NPAS3: variants seen among roughly 807,000 people sequenced by gnomAD.
The protein encoded by NPAS3 is neuronal PAS domain protein 3, also known as neuronal PAS domain-containing protein 3.
NPAS3 carries 14 observed loss-of-function variants against 73.1 expected under a neutral mutation model. The ratio of observed to expected loss-of-function variants is 0.19; its 90% CI spans 0.13 to 0.30. The LOEUF (loss-of-function observed/expected upper bound fraction) is 0.30, where lower values mean the gene tolerates loss of function less well. Among genes scored for constraint, NPAS3 ranks in the 10% least tolerant of loss-of-function variants. The pLI is 1.00. For missense variants in NPAS3, 1,096 were observed against 1,250.0 expected (o/e 0.88, Z 1.86); for synonymous variants, 620 against 541.5 (o/e 1.14, Z -2.01).
At chr14:33,356,778 G>T (rs1424812244) in intron 3 of NPAS3, among the ~76,000 whole-genome samples, 2 of 152,184 alleles carry the variant, frequency 1.3e-5, no homozygotes, top group South Asian at 2.1e-4. Flanking sequence ...TATGAAGAGG[G>T]TTTGCTTAAA....
At chr14:33,352,263 T>C (rs145446200) in intron 3 of NPAS3, among the ~76,000 whole-genome samples, 294 of 152,326 alleles carry the variant, frequency 1.9e-3, no homozygotes, top group African/African-American at 6.6e-3. Flanking sequence ...GAGACTTTTC[T>C]AACTGGCCCA....
At chr14:33,142,559 A>AG (rs554997629) in intron 2 of NPAS3, among the ~76,000 whole-genome samples, 19 of 152,178 alleles carry the variant, frequency 1.2e-4, no homozygotes, top group Non-Finnish European at 2.5e-4. Flanking sequence ...GTATCTGGTA[A>AG]GGGAAAAAAA....
intron 3 of NPAS3, among the ~76,000 whole-genome samples, chr14:33,315,530 G>T (rs980931192): frequency 1.6e-4 from 24 of 151,868 alleles, no homozygotes; most frequent in African/African-American, 5.8e-4. Flanking sequence ...GTTTGTGTGT[G>T]TGTATGTGTG....
chr14:33,308,531 TACACACACACACACACACACAC>T (rs550021518), intron 3 of NPAS3, among the ~76,000 whole-genome samples: 16 of 115,970 alleles, frequency 1.4e-4, no homozygotes, highest in Non-Finnish European at 2.0e-4. Flanking sequence ...TATATATACA[TACACACACACACACACACACAC>T]ACATACATAC....
intron 5 of NPAS3, among the ~76,000 whole-genome samples, chr14:33,619,793 GGTATA>G: frequency 6.6e-6 from 1 of 152,266 alleles, no homozygotes; most frequent in South Asian, 2.1e-4. Context: ...CTGGCAATTG[GGTATA>G]GACGAAGATA....
At chr14:33,502,985 A>G (rs559841918) in intron 4 of NPAS3, among the ~76,000 whole-genome samples, 1 of 148,612 alleles carries the variant, frequency 6.7e-6, no homozygotes, top group Non-Finnish European at 1.5e-5. Flanking sequence ...TATACCATCT[A>G]TACTCTACTC....
chr14:33,351,913 G>A (rs1409797942), intron 3 of NPAS3, among the ~76,000 whole-genome samples: 1 of 152,266 alleles, frequency 6.6e-6, no homozygotes, highest in East Asian at 1.9e-4. Context: ...GGGGGGCTAA[G>A]GGAGGGATAG....
chr14:33,203,215 GT>G (rs2046688068), intron 2 of NPAS3, among the ~76,000 whole-genome samples: 1 of 152,216 alleles, frequency 6.6e-6, no homozygotes, highest in South Asian at 2.1e-4. Context: ...CATGACTTCA[GT>G]GCCCATGTCA....
intron 2 of NPAS3, among the ~76,000 whole-genome samples, chr14:33,083,902 C>A (rs1277756419): frequency 6.6e-6 from 1 of 152,164 alleles, no homozygotes; most frequent in East Asian, 1.9e-4. Context: ...TAGAAGACCA[C>A]TGAAAGTTCT....
At chr14:33,200,754 C>T (rs1409635954) in intron 2 of NPAS3, among the ~76,000 whole-genome samples, 2 of 152,130 alleles carry the variant, frequency 1.3e-5, no homozygotes, top group South Asian at 2.1e-4. Context: ...AATCTAGTAA[C>T]AAATGTTTTC....
At chr14:33,123,367 T>C (rs903041348) in intron 2 of NPAS3, among the ~76,000 whole-genome samples, 1 of 152,064 alleles carries the variant, frequency 6.6e-6, no homozygotes, top group Non-Finnish European at 1.5e-5. Flanking sequence ...TCAGGGATTT[T>C]GTGGATATTG....
intron 3 of NPAS3, among the ~76,000 whole-genome samples, chr14:33,334,964 C>T (rs1280772503): frequency 1.3e-5 from 2 of 151,998 alleles, no homozygotes; most frequent in African/African-American, 4.8e-5. Flanking sequence ...ATAACAGTCT[C>T]AAATTCCATC....
intron 3 of NPAS3, among the ~76,000 whole-genome samples, chr14:33,294,216 C>T (rs2042208623): frequency 6.6e-6 from 1 of 152,176 alleles, no homozygotes; most frequent in African/African-American, 2.4e-5. Context: ...GACTGCCTCC[C>T]TAGCTTTTGC....
At chr14:33,294,332 C>T (rs1047102311) in intron 3 of NPAS3, among the ~76,000 whole-genome samples, 3 of 152,142 alleles carry the variant, frequency 2.0e-5, no homozygotes, top group African/African-American at 7.2e-5. Flanking sequence ...CTGGAATGCT[C>T]GATCCCAGGG....
At chr14:33,564,829 A>G (rs1233987632) in intron 5 of NPAS3, among the ~76,000 whole-genome samples, 1 of 152,216 alleles carries the variant, frequency 6.6e-6, no homozygotes, top group East Asian at 1.9e-4. Flanking sequence ...GTTTACAACA[A>G]AAATGAGATC....
At chr14:33,357,421 C>A (rs1020041075) in intron 3 of NPAS3, among the ~76,000 whole-genome samples, 7 of 152,196 alleles carry the variant, frequency 4.6e-5, no homozygotes, top group Non-Finnish European at 1.0e-4. Flanking sequence ...GCCCTGATTG[C>A]AGTTGGCTCG....
rs191161536 is a variant in NPAS3 at position 33,573,323 on chromosome 14, T to C, written c.558+13113T>C. On this transcript the variant is annotated intron_variant, in intron 5 of 11. Transcript: ENST00000356141. Reference sequence around the variant, plus strand: ...AGGCTATTGATCACTAAGGCATAGTTCCTGCCCTTCAGGAGCTGGTTTCTG... The same window carrying C: ...AGGCTATTGATCACTAAGGCATAGTCCCTGCCCTTCAGGAGCTGGTTTCTG... Among the ~76,000 whole-genome samples the C allele has an allele frequency of 9.2e-5, 14 of 152,272 alleles. No homozygotes were observed. The East Asian group carries it at 2.7e-3, about 29-fold the overall frequency.
intron 5 of NPAS3, among the ~76,000 whole-genome samples, chr14:33,636,210 G>A (rs530621425): frequency 1.6e-4 from 25 of 152,332 alleles, no homozygotes; most frequent in African/African-American, 5.0e-4. Context: ...GTGAGCCACC[G>A]TGCCTGGCCC....
chr14:33,574,583 G>A (rs143766875), intron 5 of NPAS3, among the ~76,000 whole-genome samples: 66 of 152,074 alleles, frequency 4.3e-4, no homozygotes, highest in African/African-American at 1.6e-3. Context: ...GAGGTGAGGT[G>A]GATGGAGGGA....
Sources: gnomAD v4.1 joint callset for allele counts (sites outside exome capture counted in the v4.1 genomes callset) on GRCh38, gnomAD v4.1.1 for gene constraint, MANE v1.5 for transcripts, NCBI Gene and HGNC (gene_info 2026-07-23, HGNC 2026-07-21) for gene names.